The following CDV3 variants were observed in gnomAD, a reference collection of about 807,000 sequenced individuals.
CDV3 encodes the protein protein CDV3 homolog.
A neutral mutation model predicts 24.5 loss-of-function variants in CDV3; 14 were observed. That is an observed-to-expected ratio of 0.57 (90% CI 0.38 to 0.89). The LOEUF is 0.89. Ranked by LOEUF, CDV3 falls within the 40% of genes least tolerant of loss-of-function variation. CDV3 has a pLI of 0.00. For missense variants in CDV3, 304 were observed against 310.2 expected, an observed-to-expected ratio of 0.98 and a Z score of 0.15; for synonymous variants, 114 against 114.1, an observed-to-expected ratio of 1.00 and a Z score of 0.00.
Position 133,588,284 on chromosome 3 carries a change from A to G in CDV3, c.*238A>G. 6.5e-7 allele frequency: 1 copy of G among 1,539,110 alleles called. No homozygotes were observed. Among genetic ancestry groups the G allele is most frequent in the South Asian group, 1.2e-5 (1 of 83,776 alleles). On this transcript the variant is annotated 3_prime_UTR_variant, in exon 5 of 5. Transcript: ENST00000264993. ...ACTAGTTTCAACAGTGTTCTTTCAT[A>G]TTTACTCTGCAAATACAAAAAACCA...
intron 2 of CDV3, among the ~76,000 whole-genome samples, chr3:133,577,274 T>G (rs1052265823): frequency 1.3e-5 from 2 of 152,072 alleles, no homozygotes; most frequent in Admixed American, 6.6e-5. Context: ...TGTTCTTCAC[T>G]CAGATCCACC....
chr3:133,575,611 C>A (rs1170781452), intron 2 of CDV3, among the ~76,000 whole-genome samples: 1 of 152,208 alleles, frequency 6.6e-6, no homozygotes, highest in Non-Finnish European at 1.5e-5. Context: ...ATTACTGATA[C>A]AGAACAAGGT....
Position 133,588,400 on chromosome 3 carries a change from T to C in CDV3, c.*354T>C. ...GACTACCTCAGATTTGCTGCACTCA[T>C]TGTGGACTTCATGTGGATCACAACT... On this transcript the variant is annotated 3_prime_UTR_variant, in exon 5 of 5. Coordinates refer to ENST00000264993, the MANE Select transcript of CDV3 (RefSeq NM_017548.5). 1 of 1,529,288 alleles carries C rather than the reference T, an allele frequency of 6.5e-7. No homozygotes were observed. The highest frequency in any genetic ancestry group is 8.8e-7 in the Non-Finnish European group (1 of 1,140,704). The allele number at this position is 1,529,288 out of a possible 1,614,324, so 94.7% of individuals were successfully genotyped here. A position where few individuals can be genotyped will look rare whatever the true frequency, so the allele number is the denominator to read the frequency against.
chr3:133,574,869 G>T (rs1383155349), intron 1 of CDV3, 170 bp from the exon 2 acceptor site: 3 of 728,760 alleles, frequency 4.1e-6, no homozygotes, highest in African/African-American at 3.6e-5. Flanking sequence ...GAGCATGTTT[G>T]TCCTCCATTT....
chr3:133,575,344 C>G (rs1422919893), intron 2 of CDV3, among the ~76,000 whole-genome samples: 1 of 152,234 alleles, frequency 6.6e-6, no homozygotes, highest in African/African-American at 2.4e-5. Flanking sequence ...TTGCCTACTT[C>G]CAGTTCTGGT....
chr3:133,588,100 C>G lies in CDV3; in HGVS notation c.*54C>G, dbSNP rs1933798359. The G allele has an allele frequency of 2.5e-6, 4 of 1,587,896 alleles. No individual in the cohort carries two copies. The African/African-American group carries it at 5.4e-5, about 22-fold the overall frequency. On this transcript the variant is annotated 3_prime_UTR_variant, in exon 5 of 5. Transcript: ENST00000264993. ...TAACTAGACTGCAGCTAACCACCAC[C>G]AACAGCCATTCATCATCTGATCTCT...
chr3:133,584,460 C>G (rs1933381223), intron 3 of CDV3, among the ~76,000 whole-genome samples: 1 of 152,128 alleles, frequency 6.6e-6, no homozygotes, highest in African/African-American at 2.4e-5. Flanking sequence ...ATATTAACTA[C>G]TTGCTAATGG....
At chr3:133,577,445 C>A (rs1267631350) in intron 2 of CDV3, among the ~76,000 whole-genome samples, 5 of 151,982 alleles carry the variant, frequency 3.3e-5, no homozygotes, top group Admixed American at 3.3e-4. Context: ...ACCGCAACCT[C>A]AGCCTCCCGG....
chr3:133,587,387 G>C lies in CDV3; in HGVS notation c.627-509G>C, dbSNP rs1576661488. On this transcript the variant is annotated intron_variant, in intron 4 of 4. Coordinates refer to ENST00000264993, the MANE Select transcript of CDV3 (RefSeq NM_017548.5). ...AACCTCCACGTGGACTTGCTCCTCT[G>C]CTCTGTCTTAAAAAATGTGTAAGGG... 2.5e-6 allele frequency: 3 copies of C among 1,214,556 alleles called. No individual in the cohort carries two copies. In the East Asian group the frequency reaches 1.0e-4, roughly 41 times the overall value. The allele number at this position is 1,214,556 out of a possible 1,614,324, so 75.2% of individuals were successfully genotyped here.
Position 133,589,277 on chromosome 3 carries a change from A to G in CDV3, c.*1231A>G, listed in dbSNP as rs957906635. 2.0e-5 allele frequency: 3 copies of G among 152,664 alleles called. No homozygotes were observed. The highest frequency in any genetic ancestry group is 4.8e-5 in the African/African-American group (2 of 41,448). 9.5% of individuals were successfully genotyped at this position (152,664 alleles called of 1,614,324 possible). On this transcript the variant is annotated 3_prime_UTR_variant, in exon 5 of 5. Coordinates refer to ENST00000264993, the MANE Select transcript of CDV3 (RefSeq NM_017548.5). ...AAGGTATTGGCTGTTCTATAGATGC[A>G]GTGATTGTCCCAGCTAGCTCTGTTA...
chr3:133,578,223 A>G (rs906432447), intron 2 of CDV3, among the ~76,000 whole-genome samples: 2 of 152,106 alleles, frequency 1.3e-5, no homozygotes, highest in African/African-American at 2.4e-5. Context: ...CCTGGCCGCA[A>G]GTGATCTCAA....
At chr3:133,583,771 A>G (rs1933306209) in intron 2 of CDV3, among the ~76,000 whole-genome samples, 1 of 152,118 alleles carries the variant, frequency 6.6e-6, no homozygotes, top group South Asian at 2.1e-4. Flanking sequence ...CATGTTGCCC[A>G]GCCTGGTCTT....
intron 1 of CDV3, 69 bp from the exon 2 acceptor site, chr3:133,574,970 T>C: frequency 1.0e-6 from 1 of 962,770 alleles, no homozygotes; most frequent in Non-Finnish European, 1.7e-6. Context: ...CCACTTTTCG[T>C]AGTGTGTTAT....
At chr3:133,586,151 A>C (rs976888376) in intron 3 of CDV3, among the ~76,000 whole-genome samples, 1 of 152,100 alleles carries the variant, frequency 6.6e-6, no homozygotes, top group Non-Finnish European at 1.5e-5. Context: ...GCTGGAGTGC[A>C]GTGGCTCAAT....
chr3:133,579,701 T>A (rs2107711260), intron 2 of CDV3, among the ~76,000 whole-genome samples: 1 of 152,264 alleles, frequency 6.6e-6, no homozygotes, highest in African/African-American at 2.4e-5. Flanking sequence ...CAAGCGATTC[T>A]CCTGCCTCAG....
Position 133,588,294 on chromosome 3 carries a change from C to A in CDV3, c.*248C>A. On this transcript the variant is annotated 3_prime_UTR_variant, in exon 5 of 5. Coordinates refer to ENST00000264993, the MANE Select transcript of CDV3 (RefSeq NM_017548.5). ...ACAGTGTTCTTTCATATTTACTCTG[C>A]AAATACAAAAAACCAAAACCTGCAG... 6.5e-6 allele frequency: 10 copies of A among 1,537,266 alleles called. No individual in the cohort carries two copies. The highest frequency in any genetic ancestry group is 8.7e-6 in the Non-Finnish European group (10 of 1,146,024).
chr3:133,582,765 G>C (rs1344286470), intron 2 of CDV3, among the ~76,000 whole-genome samples: 1 of 152,134 alleles, frequency 6.6e-6, no homozygotes, highest in East Asian at 1.9e-4. Flanking sequence ...TGAAGACCTA[G>C]GAAAAGCCAC....
chr3:133,577,447 G>T (rs538691093), intron 2 of CDV3, among the ~76,000 whole-genome samples: 1 of 151,536 alleles, frequency 6.6e-6, no homozygotes, highest in South Asian at 2.1e-4. Flanking sequence ...CGCAACCTCA[G>T]CCTCCCGGGT....
intron 2 of CDV3, among the ~76,000 whole-genome samples, chr3:133,576,993 G>A (rs572485615): frequency 6.7e-6 from 1 of 150,048 alleles, no homozygotes; most frequent in Non-Finnish European, 1.5e-5. Flanking sequence ...GATTACAGGC[G>A]CCCGCCACCA....
Sources: allele counts gnomAD v4.1 joint callset (sites outside exome capture counted in the v4.1 genomes callset), GRCh38; gene constraint gnomAD v4.1.1; transcripts MANE v1.5; gene names NCBI Gene and HGNC (gene_info 2026-07-23, HGNC 2026-07-21).